The following NRXN1 variants were observed in gnomAD, a reference collection of about 807,000 sequenced individuals.
The protein encoded by NRXN1 is neurexin 1, also known as neurexin-1.
Under a neutral mutation model 150.9 loss-of-function variants are expected in NRXN1, and 39 were observed. The observed-to-expected ratio is 0.26, with a 90% CI of 0.20 to 0.34. The LOEUF is 0.34. NRXN1 is among the 10% of genes least tolerant of loss of function. The pLI is 1.00. For synonymous variants in NRXN1, 924 were observed against 757.0 expected (o/e 1.22, Z -3.62); for missense variants, 1,815 against 1,949.9 (o/e 0.93, Z 1.30).
rs187838071 is a variant in NRXN1, at chr2:50,977,868, T to C, written c.772+49634A>G. ...TCAAAAAATGTTTAATCATTAGAAA[T>C]AGGGCATTGCATCTATTATCATTTT... On this transcript the variant is annotated intron_variant, in intron 2 of 22. Transcript: ENST00000401669. 2.5e-4 allele frequency among the ~76,000 whole-genome samples: 38 copies of C among 151,932 alleles called. No individual in the cohort carries two copies. The East Asian group carries it at 5.6e-3, about 22-fold the overall frequency.
intron 18 of NRXN1, among the ~76,000 whole-genome samples, chr2:50,102,621 T>G (rs1016882599): frequency 6.6e-6 from 1 of 152,062 alleles, no homozygotes; most frequent in African/African-American, 2.4e-5. Flanking sequence ...ATATACAGCA[T>G]GCTAAGTTTC....
chr2:50,576,340 AT>A (rs891542019), intron 8 of NRXN1, among the ~76,000 whole-genome samples: 15 of 151,832 alleles, frequency 9.9e-5, no homozygotes, highest in South Asian at 2.1e-4. Flanking sequence ...TCAGTAATAG[AT>A]TTTTTTTGGC....
At position 50,028,597 on chromosome 2, in the gene NRXN1, C is replaced by A. The variant is rs899732483; in HGVS notation, c.4128+24674G>T. On this transcript the variant is annotated intron_variant, in intron 21 of 22. Coordinates refer to ENST00000401669, the MANE Select transcript of NRXN1 (RefSeq NM_001330078.2). Reference sequence around the variant, plus strand: ...CACATCATCTGGATAGGCAATCTCTCAGCACACCACCTAGGCCTTATCTTC... The same window carrying A: ...CACATCATCTGGATAGGCAATCTCTAAGCACACCACCTAGGCCTTATCTTC... 3.9e-5 allele frequency among the ~76,000 whole-genome samples: 6 copies of A among 152,222 alleles called. No individual in the cohort carries two copies. The East Asian group carries it at 1.2e-3, about 29-fold the overall frequency.
chr2:50,249,565 A>G (rs2152896344), intron 17 of NRXN1, among the ~76,000 whole-genome samples: 1 of 152,244 alleles, frequency 6.6e-6, no homozygotes, highest in East Asian at 1.9e-4. Context: ...GATGATAAAA[A>G]GGTGTGACAT....
chr2:50,535,943 T>C (rs1397991036), intron 10 of NRXN1, among the ~76,000 whole-genome samples: 2 of 152,186 alleles, frequency 1.3e-5, no homozygotes, highest in Admixed American at 6.5e-5. Context: ...GAAAACAACT[T>C]TAAAAGTTCT....
At chr2:50,756,453 A>T (rs1453508505) in intron 5 of NRXN1, among the ~76,000 whole-genome samples, 8 of 151,778 alleles carry the variant, frequency 5.3e-5, no homozygotes, top group African/African-American at 1.9e-4. Flanking sequence ...AGATAAGCAA[A>T]TATAGCACTT....
intron 18 of NRXN1, among the ~76,000 whole-genome samples, chr2:50,207,301 C>CT (rs34767131): frequency 0.39 from 59,484 of 151,806 alleles, 12,042 homozygotes; most frequent in Middle Eastern, 0.43. Flanking sequence ...TGTGGAAATA[C>CT]TTTTCATATT....
intron 5 of NRXN1, among the ~76,000 whole-genome samples, chr2:50,782,836 G>A (rs1051738387): frequency 6.6e-6 from 1 of 152,128 alleles, no homozygotes; most frequent in African/African-American, 2.4e-5. Context: ...CATACTTGAA[G>A]AAAAGGTGGT....
At chr2:50,538,660 A>G in intron 9 of NRXN1, 24 bp from the exon 10 acceptor site, 1 of 1,444,064 alleles carries the variant, frequency 6.9e-7, no homozygotes, top group Non-Finnish European at 9.1e-7. Context: ...AGGAGAATGC[A>G]CAGGTCTTTA....
intron 17 of NRXN1, among the ~76,000 whole-genome samples, chr2:50,319,466 T>C (rs1473363544): frequency 3.3e-5 from 5 of 152,176 alleles, no homozygotes; most frequent in African/African-American, 7.2e-5. Context: ...CTAACTTGAC[T>C]GACCTGCAGC....
intron 10 of NRXN1, among the ~76,000 whole-genome samples, chr2:50,532,135 G>A (rs1336275964): frequency 6.6e-6 from 1 of 152,018 alleles, no homozygotes; most frequent in African/African-American, 2.4e-5. Flanking sequence ...CCAGCCTCCA[G>A]CAACTTTTCA....
chr2:50,530,720 G>A (rs929856887), intron 11 of NRXN1, among the ~76,000 whole-genome samples: 9 of 152,134 alleles, frequency 5.9e-5, no homozygotes, highest in Admixed American at 1.3e-4. Flanking sequence ...ACAGTACTCC[G>A]AAACAGAAAA....
At position 50,420,318 on chromosome 2, in the gene NRXN1, C is replaced by A. The variant is rs555243981; in HGVS notation, c.3364+45124G>T. On this transcript the variant is annotated intron_variant, in intron 17 of 22. Coordinates refer to ENST00000401669, the MANE Select transcript of NRXN1 (RefSeq NM_001330078.2). ...AAGTGAAATCATTTTGATATCTACA[C>A]CAGCAGTCATTAAATAGGCCCACAG... Among the ~76,000 whole-genome samples the A allele has an allele frequency of 1.9e-4, 29 of 151,982 alleles. No homozygotes were observed. The South Asian group carries it at 4.8e-3, about 25-fold the overall frequency.
intron 5 of NRXN1, among the ~76,000 whole-genome samples, chr2:50,674,257 C>A (rs889745991): frequency 1.3e-5 from 2 of 152,010 alleles, no homozygotes; most frequent in Non-Finnish European, 2.9e-5. Context: ...CGTTAGATAA[C>A]AGAGCCTAAA....
intron 15 of NRXN1, among the ~76,000 whole-genome samples, chr2:50,477,690 T>C (rs1299353408): frequency 6.6e-6 from 1 of 152,136 alleles, no homozygotes; most frequent in African/African-American, 2.4e-5. Flanking sequence ...TTAAAAAGCA[T>C]ACAGAAAAAG....
intron 12 of NRXN1, among the ~76,000 whole-genome samples, chr2:50,511,282 C>T (rs1405772648): frequency 3.9e-5 from 6 of 152,224 alleles, no homozygotes; most frequent in Non-Finnish European, 1.5e-5. Context: ...AGTCTGGTCT[C>T]GAACTCCTGA....
At chr2:50,568,933 T>C (rs934838761) in intron 8 of NRXN1, among the ~76,000 whole-genome samples, 6 of 152,102 alleles carry the variant, frequency 3.9e-5, no homozygotes, top group Non-Finnish European at 8.8e-5. Context: ...AAATGTAGTA[T>C]ATATACACAA....
At chr2:50,981,954 CAGAG>C (rs758737318) in intron 2 of NRXN1, among the ~76,000 whole-genome samples, 1 of 151,430 alleles carries the variant, frequency 6.6e-6, no homozygotes, top group South Asian at 2.1e-4. Context: ...AAAAGAGAGA[CAGAG>C]AGAGAGATAG....
At chr2:50,789,063 C>A (rs556364355) in intron 5 of NRXN1, among the ~76,000 whole-genome samples, 56 of 152,096 alleles carry the variant, frequency 3.7e-4, no homozygotes, top group Non-Finnish European at 6.8e-4. Context: ...TAGGTCCAAA[C>A]AAACCAAAAC....
Sources: allele counts gnomAD v4.1 joint callset (sites outside exome capture counted in the v4.1 genomes callset), GRCh38; gene constraint gnomAD v4.1.1; transcripts MANE v1.5; gene names NCBI Gene and HGNC (gene_info 2026-07-23, HGNC 2026-07-21).